Variants in NRG4 observed in about 807,000 individuals in gnomAD.
NRG4 encodes the protein neuregulin 4.
NRG4 carries 10 observed loss-of-function variants against 15.0 expected under a neutral mutation model. The observed-to-expected ratio is 0.67, with a 90% CI of 0.41 to 1.13. The LOEUF (loss-of-function observed/expected upper bound fraction) is 1.13. Among genes scored for constraint, NRG4 ranks in the 50% most tolerant of loss-of-function variants. NRG4 has a pLI of 0.00. For missense variants in NRG4, 139 were observed against 140.2 expected (o/e 0.99, Z 0.04); for synonymous variants, 41 against 50.1 (o/e 0.82, Z 0.77).
intron 3 of NRG4, among the ~76,000 whole-genome samples, chr15:76,002,722 C>A (rs80218567): frequency 0.017 from 2,604 of 152,038 alleles, 71 homozygotes; most frequent in African/African-American, 0.059. Flanking sequence ...AGAAGTAATA[C>A]TAAAGATAAA....
intron 3 of NRG4, among the ~76,000 whole-genome samples, chr15:75,982,294 G>A (rs1362592467): frequency 6.6e-6 from 1 of 151,894 alleles, no homozygotes; most frequent in Admixed American, 6.6e-5. Flanking sequence ...ATAGTAAGTG[G>A]GCCATACTCC....
chr15:75,941,359 A>G lies in NRG4; in HGVS notation c.*2279T>C, dbSNP rs947487393. The G allele has an allele frequency of 1.3e-5, 2 of 152,170 alleles. No homozygotes were observed. Among genetic ancestry groups the G allele is most frequent in the Non-Finnish European group, 2.9e-5 (2 of 67,990 alleles). 9.4% of individuals were successfully genotyped at this position (152,170 alleles called of 1,614,324 possible). The stretch of plus-strand genomic sequence containing the variant: ...ATAGTGGTATGCAGCTGCTGTAGAA[A>G]ACAGTATGGTGATTTTCCAATTAAA... On this transcript the variant is annotated 3_prime_UTR_variant, in exon 6 of 6. Coordinates refer to ENST00000394907, the MANE Select transcript of NRG4 (RefSeq NM_138573.4).
chr15:75,973,650 T>C (rs2033220837), intron 3 of NRG4, among the ~76,000 whole-genome samples: 1 of 152,230 alleles, frequency 6.6e-6, no homozygotes, highest in Non-Finnish European at 1.5e-5. Flanking sequence ...ATTGGTTCTG[T>C]TTATGTGATG....
At chr15:75,978,819 G>T (rs886439637) in intron 3 of NRG4, among the ~76,000 whole-genome samples, 1 of 151,804 alleles carries the variant, frequency 6.6e-6, no homozygotes, top group African/African-American at 2.4e-5. Context: ...TCATCTGTTG[G>T]CCATTTATAT....
chr15:76,023,234 G>A (rs965037662), intron 5 of NRG4, among the ~76,000 whole-genome samples: 15 of 149,870 alleles, frequency 1.0e-4, no homozygotes, highest in African/African-American at 3.4e-4. Flanking sequence ...CTGGAGTGTT[G>A]CCCAGAGAGT....
chr15:75,957,266 C>A (rs1315937812), intron 4 of NRG4, among the ~76,000 whole-genome samples: 2 of 152,152 alleles, frequency 1.3e-5, no homozygotes, highest in African/African-American at 4.8e-5. Context: ...CTTCCTTTTA[C>A]CTGACATATA....
rs1276770220 is a variant in NRG4, at chr15:75,977,664, G to A, written c.105-15690C>T. ...TGCATCGACTGTCTAACCAGTCCCA[G>A]TGAGATAAGCCGGGTACTTCAGTTG... On this transcript the variant is annotated intron_variant, in intron 3 of 5. Coordinates refer to ENST00000394907, the MANE Select transcript of NRG4 (RefSeq NM_138573.4). The surrounding 1 kb of genome is among the most constrained non-coding windows in gnomAD (Gnocchi z 4.9). 6.6e-6 allele frequency among the ~76,000 whole-genome samples: 1 copy of A among 151,938 alleles called. No individual in the cohort carries two copies. Among genetic ancestry groups the A allele is most frequent in the Non-Finnish European group, 1.5e-5 (1 of 68,012 alleles).
Position 76,054,611 on chromosome 15 carries a change from C to T in NRG4, c.-261-1628G>A, listed in dbSNP as rs189233627. 3.9e-5 allele frequency among the ~76,000 whole-genome samples: 6 copies of T among 152,252 alleles called. No homozygotes were observed. In the South Asian group the frequency reaches 6.2e-4, roughly 16 times the overall value. Reference sequence around the variant, plus strand: ...TGTATTTTCAGTAGAGACAGAGTTTCGCCATGTTGGCCAGGCTGGTCTCAA... The same window carrying T: ...TGTATTTTCAGTAGAGACAGAGTTTTGCCATGTTGGCCAGGCTGGTCTCAA... On this transcript the variant is annotated intron_variant, in intron 2 of 8. Coordinates refer to the NRG4 transcript ENST00000563910.
rs761984429 is a variant in NRG4, at chr15:76,011,202, T to C, written c.10+19A>G. ...ATGGACACATATTGACAAAAACATA[T>C]AAATATATAAGAAATTACCTGTTGG... On this transcript the variant is annotated intron_variant, in intron 2 of 5. Transcript: ENST00000394907. 4.9e-6 allele frequency: 7 copies of C among 1,419,928 alleles called. No individual in the cohort carries two copies. The East Asian group carries it at 7.9e-5, about 16-fold the overall frequency. The allele number at this position is 1,419,928 out of a possible 1,614,324, so 88.0% of individuals were successfully genotyped here.
At chr15:75,981,798 G>A (rs2141852764) in intron 3 of NRG4, among the ~76,000 whole-genome samples, 1 of 152,084 alleles carries the variant, frequency 6.6e-6, no homozygotes, top group South Asian at 2.1e-4. Flanking sequence ...ATATGCCAGA[G>A]GAAATTTAAC....
intron 5 of NRG4, among the ~76,000 whole-genome samples, chr15:76,034,619 T>TAA (rs3073840): frequency 4.2e-4 from 60 of 141,690 alleles, no homozygotes; most frequent in African/African-American, 4.1e-4. Flanking sequence ...TAACCATAGC[T>TAA]AAAAAAAAAA....
intron 3 of NRG4, chr15:75,971,290 C>T (rs1186420086): frequency 4.4e-6 from 2 of 455,162 alleles, no homozygotes; most frequent in Non-Finnish European, 8.8e-6. Flanking sequence ...GTTTGACCAT[C>T]TCATGATCTC....
At chr15:75,946,648 C>G (rs944955794) in intron 5 of NRG4, among the ~76,000 whole-genome samples, 1 of 152,176 alleles carries the variant, frequency 6.6e-6, no homozygotes, top group South Asian at 2.1e-4. Flanking sequence ...CGTGAGCCAC[C>G]GCGCCTGGCC....
At chr15:76,057,249 CCT>C (rs1304916176) in intron 1 of NRG4, 2 of 152,090 alleles carry the variant, frequency 1.3e-5, no homozygotes, top group African/African-American at 2.4e-5. Context: ...AAGTCAACCC[CCT>C]GATATTAGAT....
At position 75,942,234 on chromosome 15, in the gene NRG4, A is replaced by G. The variant is rs1398036852; in HGVS notation, c.*1404T>C. Reference sequence around the variant, plus strand: ...ACTGTATACAATACTATAATAGTGGATACATGACATTATATATTGGTCAAA... The same window carrying G: ...ACTGTATACAATACTATAATAGTGGGTACATGACATTATATATTGGTCAAA... On this transcript the variant is annotated 3_prime_UTR_variant, in exon 6 of 6. Transcript: ENST00000394907. The G allele has an allele frequency of 1.3e-5, 2 of 152,246 alleles. No individual in the cohort carries two copies. Among genetic ancestry groups the G allele is most frequent in the East Asian group, 3.9e-4 (2 of 5,174 alleles). 9.4% of individuals were successfully genotyped at this position (152,246 alleles called of 1,614,324 possible). A position where few individuals can be genotyped will look rare whatever the true frequency, so the allele number is the denominator to read the frequency against.
intron 3 of NRG4, among the ~76,000 whole-genome samples, chr15:76,006,251 C>G (rs938850693): frequency 3.9e-5 from 6 of 152,180 alleles, no homozygotes; most frequent in Non-Finnish European, 7.4e-5. Flanking sequence ...TGGGGTTTCT[C>G]AGTGACAAGA....
chr15:76,020,988 C>G (rs1422009229), intron 5 of NRG4, among the ~76,000 whole-genome samples: 1 of 152,210 alleles, frequency 6.6e-6, no homozygotes, highest in Non-Finnish European at 1.5e-5. Flanking sequence ...GAACAACCTT[C>G]TAGTAGAAGA....
intron 2 of NRG4, among the ~76,000 whole-genome samples, chr15:76,055,835 CT>C (rs2036138518): frequency 6.6e-6 from 1 of 152,076 alleles, no homozygotes; most frequent in African/African-American, 2.4e-5. Context: ...AAAAAACAGA[CT>C]TTTAGTGGGT....
At chr15:76,041,538 T>C (rs1234782399) in intron 4 of NRG4, among the ~76,000 whole-genome samples, 3 of 152,128 alleles carry the variant, frequency 2.0e-5, no homozygotes, top group Non-Finnish European at 4.4e-5. Context: ...GCTATACTTA[T>C]ATCAGACAAA....
Sources: gnomAD v4.1 joint callset for allele counts (sites outside exome capture counted in the v4.1 genomes callset) on GRCh38, gnomAD v4.1.1 for gene constraint, Gnocchi (gnomAD v3.1) non-coding constraint, MANE v1.5 for transcripts, NCBI Gene and HGNC (gene_info 2026-07-23, HGNC 2026-07-21) for gene names.